Variants in FADS3 observed in about 807,000 individuals in gnomAD.
FADS3 encodes cytochrome b5-related protein.
Under a neutral mutation model 60.4 loss-of-function variants are expected in FADS3, and 30 were observed. That is an observed-to-expected ratio of 0.50 (90% CI 0.37 to 0.67). The LOEUF is 0.67. Among genes scored for constraint, FADS3 ranks in the 30% least tolerant of loss-of-function variants. The pLI is 0.00. For synonymous variants in FADS3, 234 were observed against 249.3 expected (o/e 0.94, Z 0.58); for missense variants, 432 against 598.3 (o/e 0.72, Z 2.90).
intron 11 of FADS3, among the ~76,000 whole-genome samples, chr11:61,875,272 C>A (rs761050659): frequency 1.3e-5 from 2 of 152,138 alleles, no homozygotes; most frequent in Non-Finnish European, 2.9e-5. Context: ...AAGGCACAAT[C>A]TCAGCTCACT....
intron 1 of FADS3, chr11:61,880,936 A>C (rs1938108174): frequency 6.6e-6 from 1 of 152,130 alleles, no homozygotes; most frequent in Non-Finnish European, 1.5e-5. Context: ...TCCTGACCTC[A>C]GTTGATCTGC....
Position 61,873,798 on chromosome 11 carries a change from C to T in FADS3, c.*16G>A, listed in dbSNP as rs369996758. The T allele has an allele frequency of 5.5e-5, 89 of 1,607,500 alleles. No individual in the cohort carries two copies. Among genetic ancestry groups the T allele is most frequent in the African/African-American group, 3.6e-4 (27 of 74,796 alleles). On this transcript the variant is annotated 3_prime_UTR_variant, in exon 12 of 12. Transcript: ENST00000278829. ...CTGGTGCCCTGAGCCCTTCTCTGCC[C>T]GCCTGGGTGTTGCCTTCACTGATGG...
chr11:61,879,806 G>T (rs760314290), intron 2 of FADS3, among the ~76,000 whole-genome samples: 4 of 152,212 alleles, frequency 2.6e-5, no homozygotes, highest in Non-Finnish European at 5.9e-5. Flanking sequence ...CTTGCCTCGG[G>T]ATCCAAACGG....
rs1591191033 is a variant in FADS3, at chr11:61,876,905, T to C, written c.944A>G (p.Tyr315Cys). The C allele has an allele frequency of 9.3e-6, 15 of 1,609,902 alleles. No homozygotes were observed. The highest frequency in any genetic ancestry group is 1.2e-5 in the Non-Finnish European group (14 of 1,178,864). Reference sequence around the variant, plus strand: ...GAAGAGCAGCACCCCAGGGACGCCGTAGAAGGGGAGGTAGGATAAGAAGAA... The same window carrying C: ...GAAGAGCAGCACCCCAGGGACGCCGCAGAAGGGGAGGTAGGATAAGAAGAA... ...ARFFLSYLPF[Y>C]GVPGVLLFFV... Residue 315 changes from tyrosine (Y) to cysteine (C), a missense_variant, in exon 8 of 12, where the codon TAC (tyrosine) becomes TGC (cysteine). By Grantham distance (194) the Tyr-to-Cys change is radical. Transcript: ENST00000278829. The surrounding 1 kb of genome is among the most constrained non-coding windows in gnomAD (Gnocchi z 5.7).
chr11:61,874,001 G>A (rs936461612), intron 11 of FADS3, 136 bp from the exon 12 acceptor site: 5 of 618,816 alleles, frequency 8.1e-6, no homozygotes, highest in Admixed American at 2.8e-5. Flanking sequence ...GGCAGGCAGC[G>A]ATGCGGGCTG....
Position 61,891,430 on chromosome 11 carries a change from C to G in FADS3, c.-49G>C. ...TCCCAGGCGGTGGCCGAGGTCCGAG[C>G]AAGACCCCGAGGGAAGCGAAGAGCG... On this transcript the variant is annotated 5_prime_UTR_variant, in exon 1 of 12. Coordinates refer to ENST00000278829, the MANE Select transcript of FADS3 (RefSeq NM_021727.5). 1 of 1,319,878 alleles carries G rather than the reference C, an allele frequency of 7.6e-7. No homozygotes were observed. Among genetic ancestry groups the G allele is most frequent in the East Asian group, 3.1e-5 (1 of 32,294 alleles). 81.8% of individuals were successfully genotyped at this position (1,319,878 alleles called of 1,614,324 possible). A position where few individuals can be genotyped will look rare whatever the true frequency, so the allele number is the denominator to read the frequency against.
Position 61,891,458 on chromosome 11 carries a change from C to T in FADS3, c.-77G>A. 1 of 1,103,614 alleles carries T rather than the reference C, an allele frequency of 9.1e-7. No homozygotes were observed. Among genetic ancestry groups the T allele is most frequent in the Non-Finnish European group, 1.2e-6 (1 of 862,462 alleles). 68.4% of individuals were successfully genotyped at this position (1,103,614 alleles called of 1,614,324 possible). A position where few individuals can be genotyped will look rare whatever the true frequency, so the allele number is the denominator to read the frequency against. On this transcript the variant is annotated 5_prime_UTR_variant, in exon 1 of 12. Coordinates refer to ENST00000278829, the MANE Select transcript of FADS3 (RefSeq NM_021727.5). ...GACCCCGAGGGAAGCGAAGAGCGCT[C>T]CCGGGCGCCGCCTCCGCCGCCGCCC...
rs772067675 is a variant in FADS3, at chr11:61,884,568, C to A, written c.214-4417G>T. 2.0e-5 allele frequency among the ~76,000 whole-genome samples: 3 copies of A among 152,160 alleles called. No homozygotes were observed. The South Asian group carries it at 6.2e-4, about 32-fold the overall frequency. On this transcript the variant is annotated intron_variant, in intron 1 of 11. Coordinates refer to ENST00000278829, the MANE Select transcript of FADS3 (RefSeq NM_021727.5). ...CTAGGTGGTGTGCGGGGGTCCTTGCCGTGAGGCCAGTCACTATCTCAAGAA... is the reference window on the plus strand; with the variant it reads ...CTAGGTGGTGTGCGGGGGTCCTTGCAGTGAGGCCAGTCACTATCTCAAGAA...
At position 61,873,882 on chromosome 11, in the gene FADS3, G is replaced by T; in HGVS notation, c.1287-17C>A. ...TTCAGGGACCTGGGAGGTGGGGGTG[G>T]CAGTGGGGGTGGGTGTTAGGAGCTC... On this transcript the variant is annotated splice_polypyrimidine_tract_variant and intron_variant, in intron 11 of 11. Coordinates refer to ENST00000278829, the MANE Select transcript of FADS3 (RefSeq NM_021727.5). 1 of 1,571,448 alleles carries T rather than the reference G, an allele frequency of 6.4e-7. No homozygotes were observed. The highest frequency in any genetic ancestry group is 8.7e-7 in the Non-Finnish European group (1 of 1,148,078).
chr11:61,874,000 C>G, intron 11 of FADS3, 135 bp from the exon 12 acceptor site: 1 of 617,464 alleles, frequency 1.6e-6, no homozygotes, highest in East Asian at 2.9e-5. Flanking sequence ...GGGCAGGCAG[C>G]GATGCGGGCT....
Position 61,876,412 on chromosome 11 carries a change from G to C in FADS3, c.1027C>G (p.His343Asp). Reference sequence around the variant, plus strand: ...TCGTGGCCGATCTCCTTGGGGATGTGGTTCATCTGTGTGATCCACACGAAC... The same window carrying C: ...TCGTGGCCGATCTCCTTGGGGATGTCGTTCATCTGTGTGATCCACACGAAC... Reference protein sequence around the residue: ...HWFVWITQMNHIPKEIGHEKH... With the variant: ...HWFVWITQMNDIPKEIGHEKH... The change falls in exon 9 of 12, where the codon CAC becomes GAC. Residue 343 changes from histidine (H) to aspartate (D), a missense_variant. This residue lies in a region of FADS3 where 48 missense variants were observed against 101.3 expected (regional missense o/e 0.47). Transcript: ENST00000278829. This position sits in a 1 kb window ranked among gnomAD's most constrained non-coding sequence, Gnocchi z 5.7. 6.2e-7 allele frequency: 1 copy of C among 1,613,416 alleles called. No homozygotes were observed. The highest frequency in any genetic ancestry group is 8.5e-7 in the Non-Finnish European group (1 of 1,180,000).
At chr11:61,886,330 C>T (rs1020861925) in intron 1 of FADS3, 1 of 152,308 alleles carries the variant, frequency 6.6e-6, no homozygotes, top group Admixed American at 6.5e-5. Flanking sequence ...TGCCCAGGGG[C>T]AGTATCCTGC....
chr11:61,879,989 C>G, intron 2 of FADS3, 52 bp downstream of exon 2: 1 of 1,465,976 alleles, frequency 6.8e-7, no homozygotes, highest in Non-Finnish European at 9.5e-7. Context: ...TCCCAGCCCT[C>G]CAGCCATCCC....
intron 1 of FADS3, among the ~76,000 whole-genome samples, chr11:61,889,237 T>C (rs1938412900): frequency 6.6e-6 from 1 of 152,048 alleles, no homozygotes; most frequent in African/African-American, 2.4e-5. Context: ...TGCGAATCAA[T>C]GAGAAAACTG....
chr11:61,875,227 A>C (rs1937822469), intron 11 of FADS3, among the ~76,000 whole-genome samples: 1 of 152,026 alleles, frequency 6.6e-6, no homozygotes. Flanking sequence ...TTTGTTTTTG[A>C]GAGAGTCTTG....
chr11:61,877,446 TC>T lies in FADS3; in HGVS notation c.885+64del. The T allele has an allele frequency of 6.7e-7, 1 of 1,484,122 alleles. No homozygotes were observed. The allele number at this position is 1,484,122 out of a possible 1,614,324, so 91.9% of individuals were successfully genotyped here. On this transcript the variant is annotated intron_variant, in intron 7 of 11. Transcript: ENST00000278829. This position sits in a 1 kb window ranked among gnomAD's most constrained non-coding sequence, Gnocchi z 4.7. ...TGTTTGCCTTCATGGGCAGGTACTG[TC>T]CCCCGAGGCACCACCTCCTGCCACG... is the stretch of plus-strand genomic sequence containing the variant.
chr11:61,877,761 G>T lies in FADS3; in HGVS notation c.809-174C>A. 1.6e-6 allele frequency: 1 copy of T among 639,694 alleles called. No individual in the cohort carries two copies. Among genetic ancestry groups the T allele is most frequent in the Non-Finnish European group, 2.8e-6 (1 of 363,612 alleles). 39.6% of individuals were successfully genotyped at this position (639,694 alleles called of 1,614,324 possible). ...TTCTGTGTCCAAGCCTCCCCAGGCT[G>T]CCCTTACCCCACCACCTCCCACCAC... On this transcript the variant is annotated intron_variant, in intron 6 of 11. Coordinates refer to ENST00000278829, the MANE Select transcript of FADS3 (RefSeq NM_021727.5). The surrounding 1 kb of genome is among the most constrained non-coding windows in gnomAD (Gnocchi z 4.7).
intron 2 of FADS3, 89 bp from the exon 3 acceptor site, chr11:61,879,598 G>A: frequency 7.8e-7 from 1 of 1,277,424 alleles, no homozygotes; most frequent in Non-Finnish European, 1.1e-6. Flanking sequence ...CCCATCGCCA[G>A]GCCCAAGGGG....
Position 61,876,266 on chromosome 11 carries a change from C to T in FADS3, c.1081-76G>A, listed in dbSNP as rs1937879058. 3 of 1,573,892 alleles carry T rather than the reference C, an allele frequency of 1.9e-6. No individual in the cohort carries two copies. Among genetic ancestry groups the T allele is most frequent in the South Asian group, 2.3e-5 (2 of 88,078 alleles). On this transcript the variant is annotated intron_variant, in intron 9 of 11. Coordinates refer to ENST00000278829, the MANE Select transcript of FADS3 (RefSeq NM_021727.5). This position sits in a 1 kb window ranked among gnomAD's most constrained non-coding sequence, Gnocchi z 5.7. ...CCCCACGGCACCATCCCCCACCTGG[C>T]AGCCCCGTCAGGGCCTCATCCCTGC... is the stretch of plus-strand genomic sequence containing the variant.
Sources: gnomAD v4.1 joint callset for allele counts (sites outside exome capture counted in the v4.1 genomes callset) on GRCh38, gnomAD v4.1.1 for gene constraint, gnomAD v4.1.1 regional missense constraint, Gnocchi (gnomAD v3.1) non-coding constraint, MANE v1.5 for transcripts, NCBI Gene and HGNC (gene_info 2026-07-23, HGNC 2026-07-21) for gene names.